Variants in PRELID2 observed in about 807,000 individuals in gnomAD.
The protein encoded by PRELID2 is PRELI domain containing 2, also known as PRELI domain-containing protein 2.
PRELID2 carries 25 observed loss-of-function variants against 28.4 expected under a neutral mutation model. The ratio of observed to expected loss-of-function variants is 0.88; its 90% confidence interval spans 0.64 to 1.23. PRELID2 has a LOEUF of 1.23. Ranked by LOEUF, PRELID2 falls within the 50% of genes most tolerant of loss-of-function variation. The pLI is 0.00. For synonymous variants in PRELID2, 76 were observed against 71.6 expected (o/e 1.06, Z -0.31); for missense variants, 201 against 214.4 (o/e 0.94, Z 0.39).
intron 1 of PRELID2, among the ~76,000 whole-genome samples, chr5:145,579,995 A>G (rs985567735): frequency 3.9e-5 from 6 of 152,088 alleles, no homozygotes; most frequent in Admixed American, 2.6e-4. Flanking sequence ...TAACTTTCCA[A>G]ATAAGACCAA....
At chr5:145,743,196 G>T (rs938075900) in intron 1 of PRELID2, among the ~76,000 whole-genome samples, 4 of 151,848 alleles carry the variant, frequency 2.6e-5, no homozygotes, top group African/African-American at 7.3e-5. Flanking sequence ...ATCACCTGAG[G>T]TCAGGAGTTC....
chr5:145,408,673 A>T, the PRELID2 span, among the ~76,000 whole-genome samples: 3 of 151,990 alleles, frequency 2.0e-5, no homozygotes. Flanking sequence ...AGACAAAGAA[A>T]AAAGCAATTG....
At chr5:145,460,396 T>C in the PRELID2 span, among the ~76,000 whole-genome samples, 1 of 152,218 alleles carries the variant, frequency 6.6e-6, no homozygotes, top group Non-Finnish European at 1.5e-5. Context: ...TCCTCTATTC[T>C]ATTATCATAT....
At chr5:145,701,016 A>G (rs888335099) in intron 1 of PRELID2, among the ~76,000 whole-genome samples, 3 of 152,240 alleles carry the variant, frequency 2.0e-5, no homozygotes, top group African/African-American at 7.2e-5. Context: ...AGATGAGGAC[A>G]GCAGATGGTC....
intron 4 of PRELID2, among the ~76,000 whole-genome samples, chr5:145,802,818 G>C (rs1753224904): frequency 6.6e-6 from 1 of 152,172 alleles, no homozygotes; most frequent in Non-Finnish European, 1.5e-5. Flanking sequence ...AGCTTATACA[G>C]TCATTTAAAA....
At chr5:145,438,707 C>T in the PRELID2 span, among the ~76,000 whole-genome samples, 1 of 152,138 alleles carries the variant, frequency 6.6e-6, no homozygotes, top group Non-Finnish European at 1.5e-5. Context: ...ATAATTTACT[C>T]ATTTCCACCT....
chr5:145,397,013 A>G, the PRELID2 span, among the ~76,000 whole-genome samples: 1 of 152,130 alleles, frequency 6.6e-6, no homozygotes, highest in Non-Finnish European at 1.5e-5. Context: ...TAGATATTAT[A>G]CTAAGGGCAC....
chr5:145,767,671 G>A (rs1051786106), intron 5 of PRELID2, among the ~76,000 whole-genome samples: 1 of 152,150 alleles, frequency 6.6e-6, no homozygotes, highest in African/African-American at 2.4e-5. Flanking sequence ...TCACCTGTGT[G>A]CTCCCCCTTT....
In PRELID2 at chr5:145,759,537, C is replaced by T. The variant is rs954246375; in HGVS notation, c.*999G>A. 7 of 152,190 alleles carry T rather than the reference C, an allele frequency of 4.6e-5. No individual in the cohort carries two copies. Among genetic ancestry groups the T allele is most frequent in the African/African-American group, 1.7e-4 (7 of 41,450 alleles). 9.4% of individuals were successfully genotyped at this position (152,190 alleles called of 1,614,324 possible). A position where few individuals can be genotyped will look rare whatever the true frequency, so the allele number is the denominator to read the frequency against. ...TATGTACTAGGCAGTGTGCTAGGTA[C>T]TTCATAGGCATGATCTCAAATCAGT... On this transcript the variant is annotated 3_prime_UTR_variant, in exon 7 of 7. Coordinates refer to ENST00000683046, the MANE Select transcript of PRELID2 (RefSeq NM_205846.3).
chr5:145,371,201 A>G, the PRELID2 span, among the ~76,000 whole-genome samples: 1 of 152,132 alleles, frequency 6.6e-6, no homozygotes, highest in Non-Finnish European at 1.5e-5. Context: ...CGGTTTTCAA[A>G]GGCAATGCTT....
chr5:145,666,628 TTTTCCTTAGCTTTTTGGGAATGTGTAG>T, intron 1 of PRELID2, among the ~76,000 whole-genome samples: 1 of 152,204 alleles, frequency 6.6e-6, no homozygotes, highest in East Asian at 1.9e-4. Context: ...GGACAAGCAC[TTTTCCTTAGCTTTTTGGGAATGTGTAG>T]TAACTCCATT....
chr5:145,666,235 G>A (rs1754591632), intron 1 of PRELID2, among the ~76,000 whole-genome samples: 1 of 152,022 alleles, frequency 6.6e-6, no homozygotes, highest in African/African-American at 2.4e-5. Flanking sequence ...TGTTTCAATA[G>A]AAGGTCCAGA....
At chr5:145,282,605 C>T in the PRELID2 span, among the ~76,000 whole-genome samples, 3 of 151,698 alleles carry the variant, frequency 2.0e-5, no homozygotes, top group Non-Finnish European at 4.4e-5. Context: ...CTGCAACCAC[C>T]GTCTCCTGGT....
At chr5:145,292,909 T>C in the PRELID2 span, among the ~76,000 whole-genome samples, 3 of 152,200 alleles carry the variant, frequency 2.0e-5, no homozygotes, top group East Asian at 5.8e-4. Context: ...TTTTTTGAGA[T>C]GGGTTCTCAT....
At chr5:145,813,058 C>T (rs959717202) in intron 4 of PRELID2, among the ~76,000 whole-genome samples, 8 of 152,218 alleles carry the variant, frequency 5.3e-5, no homozygotes, top group African/African-American at 1.9e-4. Flanking sequence ...ATTCTGAGCC[C>T]ATCTCTGAAT....
At chr5:145,724,091 C>A (rs965737424) in intron 1 of PRELID2, among the ~76,000 whole-genome samples, 1 of 151,972 alleles carries the variant, frequency 6.6e-6, no homozygotes, top group Non-Finnish European at 1.5e-5. Context: ...ATGCAACATG[C>A]AAATATACAT....
chr5:145,677,084 T>G (rs987570280), intron 1 of PRELID2, among the ~76,000 whole-genome samples: 14 of 151,766 alleles, frequency 9.2e-5, no homozygotes, highest in Non-Finnish European at 2.1e-4. Flanking sequence ...AATTAAGAAA[T>G]TATTAATTAT....
At chr5:145,537,361 A>G (rs1752707788) in intron 1 of PRELID2, among the ~76,000 whole-genome samples, 1 of 151,942 alleles carries the variant, frequency 6.6e-6, no homozygotes, top group Admixed American at 6.6e-5. Context: ...TGCTGGTTAT[A>G]TGGTAGTTCT....
chr5:145,413,236 C>T, the PRELID2 span, among the ~76,000 whole-genome samples: 1 of 152,028 alleles, frequency 6.6e-6, no homozygotes. Flanking sequence ...ATGAAAAATG[C>T]TCAACATCAC....
Sources: allele counts gnomAD v4.1 joint callset (sites outside exome capture counted in the v4.1 genomes callset), GRCh38; gene constraint gnomAD v4.1.1; transcripts MANE v1.5; gene names NCBI Gene and HGNC (gene_info 2026-07-23, HGNC 2026-07-21).